Variants in RXRG observed in about 807,000 individuals in gnomAD.
RXRG encodes the protein retinoid X receptor gamma.
RXRG carries 19 observed loss-of-function variants against 49.2 expected under a neutral mutation model. The observed-to-expected ratio is 0.39, with a 90% CI of 0.27 to 0.57. The LOEUF is 0.57. RXRG is among the 20% of genes least tolerant of loss of function. The pLI is 0.64. For synonymous variants in RXRG, 224 were observed against 216.6 expected, an observed-to-expected ratio of 1.03 and a Z score of -0.30; for missense variants, 452 against 592.5, an observed-to-expected ratio of 0.76 and a Z score of 2.46.
intron 4 of RXRG, among the ~76,000 whole-genome samples, chr1:165,414,289 A>G (rs1457802610): frequency 2.0e-5 from 3 of 152,168 alleles, no homozygotes; most frequent in Non-Finnish European, 4.4e-5. Flanking sequence ...AGGAGCAAAA[A>G]TTGGGTCCAA....
chr1:165,416,243 C>T (rs955585780), intron 4 of RXRG, among the ~76,000 whole-genome samples: 4 of 152,092 alleles, frequency 2.6e-5, no homozygotes, highest in Non-Finnish European at 4.4e-5. Flanking sequence ...TCACCACTAT[C>T]CCCATGTCCC....
intron 2 of RXRG, chr1:165,424,854 T>A (rs1288250261): frequency 1.5e-5 from 15 of 985,372 alleles, no homozygotes; most frequent in African/African-American, 3.5e-5. Flanking sequence ...GCCCAGACGA[T>A]CCAGAGTCCA....
intron 2 of RXRG, among the ~76,000 whole-genome samples, chr1:165,423,729 G>T (rs1458383026): frequency 1.3e-5 from 2 of 152,002 alleles, no homozygotes; most frequent in Admixed American, 1.3e-4. Context: ...GGAGGTTGAG[G>T]CTTCAAGTCT....
chr1:165,443,296 A>G (rs746056420), intron 1 of RXRG, among the ~76,000 whole-genome samples: 8 of 152,166 alleles, frequency 5.3e-5, no homozygotes, highest in Admixed American at 5.2e-4. Flanking sequence ...TCTGGCTGAA[A>G]ATGAGCATGC....
chr1:165,426,337 C>G (rs916260447), intron 2 of RXRG, among the ~76,000 whole-genome samples: 2 of 152,178 alleles, frequency 1.3e-5, no homozygotes, highest in Non-Finnish European at 2.9e-5. Context: ...TGAATTTGAA[C>G]AGCTTTGAGG....
At chr1:165,401,517 A>T in intron 9 of RXRG, 107 bp from the exon 10 acceptor site, 1 of 1,260,838 alleles carries the variant, frequency 7.9e-7, no homozygotes, top group South Asian at 1.3e-5. Flanking sequence ...ATCTGTGATA[A>T]AAGAGCTGGA....
At chr1:165,441,898 A>G (rs1571293222) in intron 1 of RXRG, among the ~76,000 whole-genome samples, 2 of 152,172 alleles carry the variant, frequency 1.3e-5, no homozygotes, top group African/African-American at 4.8e-5. Flanking sequence ...GAGATTGGGC[A>G]CCTTTGTGGA....
intron 4 of RXRG, among the ~76,000 whole-genome samples, chr1:165,414,718 T>C (rs1232087450): frequency 6.6e-6 from 1 of 152,194 alleles, no homozygotes; most frequent in African/African-American, 2.4e-5. Flanking sequence ...GAGTATCCAA[T>C]TCTATCCTGG....
intron 9 of RXRG, among the ~76,000 whole-genome samples, chr1:165,402,348 A>G (rs1657606073): frequency 2.6e-5 from 4 of 152,316 alleles, no homozygotes; most frequent in African/African-American, 7.2e-5. Flanking sequence ...AGCCTCCCAA[A>G]GTGCTGGGAT....
chr1:165,404,203 T>C (rs1436722134), intron 9 of RXRG, among the ~76,000 whole-genome samples: 1 of 152,188 alleles, frequency 6.6e-6, no homozygotes, highest in Non-Finnish European at 1.5e-5. Context: ...GTGACACCCC[T>C]GATGTACCTA....
At chr1:165,417,662 T>C (rs1658169271) in intron 3 of RXRG, among the ~76,000 whole-genome samples, 1 of 152,236 alleles carries the variant, frequency 6.6e-6, no homozygotes, top group Non-Finnish European at 1.5e-5. Context: ...AGGAAACCTA[T>C]TTAAATTTAT....
At chr1:165,410,566 A>G (rs995619611) in intron 6 of RXRG, 136 bp downstream of exon 6, 1 of 967,284 alleles carries the variant, frequency 1.0e-6, no homozygotes, top group African/African-American at 1.6e-5. Flanking sequence ...GGAATGAACA[A>G]CCCCGCACAG....
intron 1 of RXRG, among the ~76,000 whole-genome samples, chr1:165,432,485 C>A (rs916772066): frequency 1.3e-5 from 2 of 152,122 alleles, no homozygotes; most frequent in African/African-American, 4.8e-5. Flanking sequence ...ACTTTTATGA[C>A]AAAAGTGTTT....
chr1:165,420,922 C>T (rs566132009), intron 2 of RXRG, among the ~76,000 whole-genome samples: 22 of 152,292 alleles, frequency 1.4e-4, no homozygotes, highest in Non-Finnish European at 5.9e-5. Context: ...TATGCATGTT[C>T]GTAATTGTCC....
chr1:165,413,720 C>A (rs1477410343), intron 4 of RXRG, among the ~76,000 whole-genome samples: 2 of 152,202 alleles, frequency 1.3e-5, no homozygotes, highest in Non-Finnish European at 2.9e-5. Flanking sequence ...CCTGAGGTGG[C>A]CCACTAATCA....
rs1657767297 is a variant in RXRG at position 165,406,820 on chromosome 1, C to T, written c.1236G>A (p.Gln412=). ...EAYTKQKYPE[Q]PGRFAKLLLR... ...TGCCAGCACTGTCTCACCTGCCTGG[C>T]TGTTCCGGATACTTCTGCTTGGTGT... The change falls in exon 9 of 10, where the codon CAG becomes CAA. Residue 412 remains glutamine, a synonymous_variant. Coordinates refer to ENST00000359842, the MANE Select transcript of RXRG (RefSeq NM_006917.5). 1 of 1,613,174 alleles carries T rather than the reference C, an allele frequency of 6.2e-7. No homozygotes were observed. The highest frequency in any genetic ancestry group is 8.5e-7 in the Non-Finnish European group (1 of 1,179,376).
intron 2 of RXRG, among the ~76,000 whole-genome samples, chr1:165,426,227 C>A (rs1199764646): frequency 6.6e-6 from 1 of 152,246 alleles, no homozygotes; most frequent in East Asian, 1.9e-4. Context: ...AAAGGTCCTA[C>A]AGGTGAGAAC....
intron 9 of RXRG, among the ~76,000 whole-genome samples, chr1:165,402,752 A>T (rs898456279): frequency 6.6e-6 from 1 of 151,920 alleles, no homozygotes; most frequent in African/African-American, 2.4e-5. Flanking sequence ...TCATGCACAC[A>T]CACCTTCACA....
rs1658814007 is a variant in RXRG at position 165,436,262 on chromosome 1, C to G, written c.50-7296G>C. ...TCTTCAAACTGAGTTTCCCTGAGTC[C>G]CCTTGGAGCCACCTAGGATGGCAGG... On this transcript the variant is annotated intron_variant, in intron 1 of 9. Transcript: ENST00000359842. 2.6e-5 allele frequency among the ~76,000 whole-genome samples: 4 copies of G among 152,120 alleles called. No homozygotes were observed. The South Asian group carries it at 8.3e-4, about 32-fold the overall frequency.
Sources: allele counts gnomAD v4.1 joint callset (sites outside exome capture counted in the v4.1 genomes callset), GRCh38; gene constraint gnomAD v4.1.1; transcripts MANE v1.5; gene names NCBI Gene and HGNC (gene_info 2026-07-23, HGNC 2026-07-21).